Variants in FER observed in about 807,000 individuals in gnomAD.
FER encodes FER tyrosine kinase.
In FER, 63 loss-of-function variants were observed where a neutral mutation model predicts 111.0. That is an observed-to-expected ratio of 0.57 (90% CI 0.46 to 0.70). FER has a LOEUF of 0.70. Among genes scored for constraint, FER ranks in the 30% least tolerant of loss-of-function variants. FER has a pLI of 0.00. For missense variants in FER, 914 were observed against 954.0 expected (o/e 0.96, Z 0.55); for synonymous variants, 327 against 313.9 (o/e 1.04, Z -0.44).
intron 18 of FER, among the ~76,000 whole-genome samples, chr5:109,185,129 T>TTTATTCCACG (rs1431873165): frequency 6.6e-6 from 1 of 152,206 alleles, no homozygotes; most frequent in Non-Finnish European, 1.5e-5. Flanking sequence ...CTTCCCCTCC[T>TTTATTCCACG]TTATTCCACG....
chr5:108,844,254 T>C (rs948507154), intron 5 of FER, among the ~76,000 whole-genome samples: 1 of 152,180 alleles, frequency 6.6e-6, no homozygotes, highest in Non-Finnish European at 1.5e-5. Context: ...CCTAAGCATA[T>C]ATTTTCTAAG....
At chr5:109,050,489 T>C (rs1772638487) in intron 16 of FER, among the ~76,000 whole-genome samples, 1 of 152,150 alleles carries the variant, frequency 6.6e-6, no homozygotes, top group African/African-American at 2.4e-5. Context: ...AAGTGACTGT[T>C]AAATATTAAG....
chr5:109,153,182 G>A (rs1755033144), intron 17 of FER, among the ~76,000 whole-genome samples: 1 of 149,352 alleles, frequency 6.7e-6, no homozygotes, highest in African/African-American at 2.5e-5. Flanking sequence ...TATTTCTCAA[G>A]CAAACTATTA....
chr5:109,008,929 C>T (rs923004900), intron 13 of FER, among the ~76,000 whole-genome samples: 5 of 152,132 alleles, frequency 3.3e-5, no homozygotes, highest in Middle Eastern at 3.4e-3. Context: ...AAGATCGTGC[C>T]GTTGCACTCT....
chr5:109,185,507 A>C (rs1758761728), intron 18 of FER, among the ~76,000 whole-genome samples: 1 of 152,202 alleles, frequency 6.6e-6, no homozygotes, highest in African/African-American at 2.4e-5. Flanking sequence ...AAATCGCAGG[A>C]ATCCAACTTG....
chr5:109,052,011 C>A (rs1935658936), intron 16 of FER: 8 of 1,588,372 alleles, frequency 5.0e-6, no homozygotes, highest in South Asian at 2.2e-5. Flanking sequence ...GCAGCAACCC[C>A]CCTTGCATTT....
intron 10 of FER, among the ~76,000 whole-genome samples, chr5:108,938,028 A>T (rs200576132): frequency 5.7e-3 from 72 of 12,586 alleles, no homozygotes; most frequent in South Asian, 0.011. Context: ...TCTCTCTCTC[A>T]CACACACACA....
chr5:108,871,558 A>G, intron 7 of FER, 56 bp downstream of exon 7: 1 of 1,296,378 alleles, frequency 7.7e-7, no homozygotes, highest in South Asian at 1.7e-5. Flanking sequence ...TTTCATTCAT[A>G]CAATAGTTAA....
chr5:109,132,766 A>G (rs1752491237), intron 17 of FER, among the ~76,000 whole-genome samples: 3 of 152,204 alleles, frequency 2.0e-5, no homozygotes, highest in African/African-American at 7.2e-5. Flanking sequence ...AATTTGGAAT[A>G]TAGCCCAGAT....
At position 108,973,206 on chromosome 5, in the gene FER, C is replaced by T. The variant is rs369592534; in HGVS notation, c.1656+13859C>T. On this transcript the variant is annotated intron_variant, in intron 13 of 19. Transcript: ENST00000281092. ...ATACAAGAACAGACATACTTGTTTT[C>T]ACTTTAAAAAACACCATTTATCTTT... Among the ~76,000 whole-genome samples the T allele has an allele frequency of 1.8e-4, 28 of 152,184 alleles. No homozygotes were observed. The South Asian group carries it at 5.4e-3, about 29-fold the overall frequency.
intron 9 of FER, among the ~76,000 whole-genome samples, chr5:108,891,838 C>T (rs1480831740): frequency 6.6e-6 from 1 of 151,952 alleles, no homozygotes; most frequent in Non-Finnish European, 1.5e-5. Context: ...CAACAGGCCC[C>T]GGTGTGTGAT....
intron 16 of FER, among the ~76,000 whole-genome samples, chr5:109,056,292 C>CA (rs1773638042): frequency 1.3e-5 from 2 of 152,170 alleles, no homozygotes; most frequent in East Asian, 1.9e-4. Flanking sequence ...CAGTGTTACT[C>CA]ACGATAGCCA....
intron 13 of FER, among the ~76,000 whole-genome samples, chr5:108,966,353 AT>A (rs1174941425): frequency 6.7e-6 from 1 of 149,154 alleles, no homozygotes; most frequent in East Asian, 2.0e-4. Context: ...CCATTTCATC[AT>A]TTTAAAGTAT....
At position 109,173,488 on chromosome 5, in the gene FER, C is replaced by G. The variant is rs533611335; in HGVS notation, c.2049-7259C>G. Among the ~76,000 whole-genome samples the G allele has an allele frequency of 7.2e-5, 11 of 152,324 alleles. No homozygotes were observed. The South Asian group carries it at 2.3e-3, about 32-fold the overall frequency. On this transcript the variant is annotated intron_variant, in intron 17 of 19. Coordinates refer to ENST00000281092, the MANE Select transcript of FER (RefSeq NM_005246.4). ...AAATACAGCAGGGCTTAGCCCTATA[C>G]AAATTTTTTTATAAGTTATGTCTGC... is the stretch of plus-strand genomic sequence containing the variant.
intron 13 of FER, among the ~76,000 whole-genome samples, chr5:108,979,190 C>T (rs996107098): frequency 1.3e-5 from 2 of 152,110 alleles, no homozygotes; most frequent in African/African-American, 4.8e-5. Flanking sequence ...ATATTCTTTC[C>T]TGTAAAGTTC....
At chr5:108,936,551 C>T (rs1755502646) in intron 10 of FER, among the ~76,000 whole-genome samples, 1 of 151,972 alleles carries the variant, frequency 6.6e-6, no homozygotes, top group African/African-American at 2.4e-5. Context: ...CAACAATTCT[C>T]ATGGGTACTT....
intron 2 of FER, among the ~76,000 whole-genome samples, chr5:108,789,125 A>G (rs566244292): frequency 6.6e-6 from 1 of 152,358 alleles, no homozygotes; most frequent in East Asian, 1.9e-4. Flanking sequence ...GTTCAGCTTG[A>G]TGAATTTTCA....
chr5:108,904,897 T>G (rs1455308166), intron 10 of FER, among the ~76,000 whole-genome samples: 9 of 152,142 alleles, frequency 5.9e-5, no homozygotes. Flanking sequence ...AACTTCAGTG[T>G]CTTAACAAAC....
At chr5:109,146,253 A>ATATATATATATATATATATAT in intron 17 of FER, among the ~76,000 whole-genome samples, 1 of 42,130 alleles carries the variant, frequency 2.4e-5, no homozygotes, top group African/African-American at 9.1e-5. Flanking sequence ...TAATCTATCT[A>ATATATATATATATATATATAT]ATATATATAT....
Sources: allele counts gnomAD v4.1 joint callset (sites outside exome capture counted in the v4.1 genomes callset), GRCh38; gene constraint gnomAD v4.1.1; transcripts MANE v1.5; gene names NCBI Gene and HGNC (gene_info 2026-07-23, HGNC 2026-07-21).